Variants in KDM4C observed in about 807,000 individuals in gnomAD.
The protein encoded by KDM4C is lysine-specific demethylase 4C.
A neutral mutation model predicts 129.3 loss-of-function variants in KDM4C; 81 were observed. That is an observed-to-expected ratio of 0.63 (90% CI 0.52 to 0.75). The LOEUF is 0.75. Ranked by LOEUF, KDM4C falls within the 30% of genes least tolerant of loss-of-function variation. The pLI, the probability that KDM4C is intolerant of heterozygous loss-of-function variation, is 0.00. For synonymous variants in KDM4C, 573 were observed against 456.1 expected (o/e 1.26, Z -3.26); for missense variants, 1,457 against 1,304.0 (o/e 1.12, Z -1.81).
intron 21 of KDM4C, chr9:7,170,615 A>G: frequency 1.1e-6 from 1 of 948,478 alleles, no homozygotes; most frequent in Non-Finnish European, 1.3e-6. Flanking sequence ...AGTCAGTTTT[A>G]TTCATTTAGA....
In KDM4C at chr9:6,984,351, C is replaced by G; in HGVS notation, c.1301C>G (p.Ser434Cys). Residue 434 changes from serine (S) to cysteine (C), a missense_variant, in exon 10 of 22, where the codon TCT becomes TGT. Ser to Cys is a moderately radical substitution (Grantham distance 112). Coordinates refer to ENST00000381309, the MANE Select transcript of KDM4C (RefSeq NM_015061.6). Reference sequence around the variant, plus strand: ...GAAGCATCTTCAGAAGAAGAGTCATCTGCTAGCAGGATGCAGGTGGAGCAG... The same window carrying G: ...GAAGCATCTTCAGAAGAAGAGTCATGTGCTAGCAGGATGCAGGTGGAGCAG... ...NTEASSEEES[S>C]ASRMQVEQNL... is the part of the protein sequence containing the mutation. 1 of 1,613,994 alleles carries G rather than the reference C, an allele frequency of 6.2e-7. No homozygotes were observed. The highest frequency in any genetic ancestry group is 8.5e-7 in the Non-Finnish European group (1 of 1,179,880).
At chr9:6,864,111 C>T (rs1288167278) in intron 5 of KDM4C, among the ~76,000 whole-genome samples, 1 of 152,136 alleles carries the variant, frequency 6.6e-6, no homozygotes, top group Non-Finnish European at 1.5e-5. Flanking sequence ...ATGTTTTCTT[C>T]TTGCATGTTA....
At chr9:6,908,983 G>C (rs960986007) in intron 8 of KDM4C, among the ~76,000 whole-genome samples, 1 of 152,026 alleles carries the variant, frequency 6.6e-6, no homozygotes, top group Non-Finnish European at 1.5e-5. Context: ...AAGCAATTTG[G>C]ACTCCCTTTG....
chr9:7,006,114 A>T (rs1368703861), intron 12 of KDM4C, among the ~76,000 whole-genome samples: 1 of 152,250 alleles, frequency 6.6e-6, no homozygotes, highest in African/African-American at 2.4e-5. Flanking sequence ...TGCTAACAAC[A>T]TCTCAGTGTG....
At chr9:6,963,030 G>C (rs555851924) in intron 8 of KDM4C, among the ~76,000 whole-genome samples, 1 of 152,254 alleles carries the variant, frequency 6.6e-6, no homozygotes, top group South Asian at 2.1e-4. Context: ...GGCTTCTTGG[G>C]TTTGAATCTT....
intron 5 of KDM4C, among the ~76,000 whole-genome samples, chr9:6,869,646 G>A (rs1842562680): frequency 6.6e-6 from 1 of 152,190 alleles, no homozygotes; most frequent in Admixed American, 6.5e-5. Flanking sequence ...CCAAATTCAG[G>A]CAAGATGGCC....
At chr9:6,721,081 AT>A in intron 1 of KDM4C, 1 of 1,309,112 alleles carries the variant, frequency 7.6e-7, no homozygotes, top group African/African-American at 1.5e-5. Context: ...TAATTTCTTT[AT>A]TTTTATTTTT....
chr9:6,883,058 T>C (rs1399778302), intron 6 of KDM4C, among the ~76,000 whole-genome samples: 1 of 152,166 alleles, frequency 6.6e-6, no homozygotes, highest in Non-Finnish European at 1.5e-5. Flanking sequence ...CGAAAAGGAT[T>C]ATGAGCCACT....
chr9:6,756,832 C>A (rs1372441911), upstream of KDM4C, among the ~76,000 whole-genome samples: 1 of 152,224 alleles, frequency 6.6e-6, no homozygotes, highest in African/African-American at 2.4e-5. Flanking sequence ...TCTGTCCTCA[C>A]AATGTTCACC....
chr9:6,920,668 G>C (rs1468130610), intron 8 of KDM4C, among the ~76,000 whole-genome samples: 1 of 152,182 alleles, frequency 6.6e-6, no homozygotes, highest in Non-Finnish European at 1.5e-5. Flanking sequence ...AATTACCAGG[G>C]AGAGTGAATG....
intron 15 of KDM4C, among the ~76,000 whole-genome samples, chr9:7,040,032 T>A (rs183637919): frequency 1.9e-3 from 282 of 152,252 alleles, no homozygotes; most frequent in African/African-American, 6.5e-3. Context: ...AATTCAATAC[T>A]GGGAAATTTT....
intron 19 of KDM4C, among the ~76,000 whole-genome samples, chr9:7,147,569 G>A (rs1842327851): frequency 6.6e-6 from 1 of 152,120 alleles, no homozygotes; most frequent in Admixed American, 6.5e-5. Context: ...ATAAAAAAGG[G>A]GAGAAAATCT....
chr9:6,847,679 C>T (rs74309242), intron 4 of KDM4C, among the ~76,000 whole-genome samples: 6,789 of 152,050 alleles, frequency 0.045, 221 homozygotes, highest in East Asian at 0.15. Context: ...CGTGAGTCTC[C>T]GCGCCCGGCC....
chr9:6,974,937 C>T (rs1832687148), intron 8 of KDM4C: 1 of 152,162 alleles, frequency 6.6e-6, no homozygotes, highest in Non-Finnish European at 1.5e-5. Context: ...ATCAGATATT[C>T]AGGTAAGTGC....
intron 1 of KDM4C, among the ~76,000 whole-genome samples, chr9:6,780,524 T>C (rs1824104982): frequency 6.6e-6 from 1 of 151,846 alleles, no homozygotes; most frequent in Admixed American, 6.6e-5. Flanking sequence ...CCCAGCACTT[T>C]GGGAAGCCAA....
intron 19 of KDM4C, among the ~76,000 whole-genome samples, chr9:7,129,478 A>G (rs1840382314): frequency 6.6e-6 from 1 of 152,190 alleles, no homozygotes; most frequent in Non-Finnish European, 1.5e-5. Flanking sequence ...TGCCACTGTT[A>G]TTCATAAACA....
intron 4 of KDM4C, among the ~76,000 whole-genome samples, chr9:6,841,833 C>G (rs1002539640): frequency 4.6e-5 from 7 of 152,210 alleles, no homozygotes; most frequent in East Asian, 3.8e-4. Flanking sequence ...TTCTAGCAGA[C>G]CTTCCCTGCC....
intron 19 of KDM4C, among the ~76,000 whole-genome samples, chr9:7,137,581 C>T (rs1173295244): frequency 6.6e-6 from 1 of 152,156 alleles, no homozygotes; most frequent in African/African-American, 2.4e-5. Context: ...GTAGTATAAT[C>T]AGGTTGCTAT....
At position 6,778,521 on chromosome 9, in the gene KDM4C, C is replaced by T. The variant is rs530257849; in HGVS notation, c.-17-14451C>T. Reference sequence around the variant, plus strand: ...GTAGCTCACGCCTGTAATCCCAGCACTTTGGGAGGCTAAGCTGGGAGGATC... The same window carrying T: ...GTAGCTCACGCCTGTAATCCCAGCATTTTGGGAGGCTAAGCTGGGAGGATC... On this transcript the variant is annotated intron_variant, in intron 1 of 21. Coordinates refer to ENST00000381309, the MANE Select transcript of KDM4C (RefSeq NM_015061.6). Among the ~76,000 whole-genome samples the T allele has an allele frequency of 4.7e-5, 7 of 149,630 alleles. No individual in the cohort carries two copies. In the Admixed American group the frequency reaches 4.8e-4, roughly 10 times the overall value.
Sources: gnomAD v4.1 joint callset for allele counts (sites outside exome capture counted in the v4.1 genomes callset) on GRCh38, gnomAD v4.1.1 for gene constraint, MANE v1.5 for transcripts, NCBI Gene and HGNC (gene_info 2026-07-23, HGNC 2026-07-21) for gene names.